The following NEK1 variants were observed in gnomAD, a reference collection of about 807,000 sequenced individuals.
The protein encoded by NEK1 is serine/threonine-protein kinase Nek1.
A neutral mutation model predicts 182.1 loss-of-function variants in NEK1; 137 were observed. That is an observed-to-expected ratio of 0.75 (90% CI 0.65 to 0.87). The LOEUF (loss-of-function observed/expected upper bound fraction) is 0.87, where lower values mean the gene tolerates loss of function less well. Ranked by LOEUF, NEK1 falls within the 40% of genes least tolerant of loss-of-function variation. NEK1 has a pLI of 0.00. For missense variants in NEK1, 1,391 were observed against 1,494.4 expected (o/e 0.93, Z 1.14); for synonymous variants, 513 against 492.2 (o/e 1.04, Z -0.56).
chr4:169,507,635 T>A (rs932114979), intron 22 of NEK1, 80 bp downstream of exon 22: 2 of 964,588 alleles, frequency 2.1e-6, no homozygotes, highest in African/African-American at 3.2e-5. Context: ...GTGATATAAC[T>A]ATGCAAAACT....
chr4:169,524,228 G>T (rs1756534845), intron 19 of NEK1, among the ~76,000 whole-genome samples: 1 of 152,070 alleles, frequency 6.6e-6, no homozygotes, highest in South Asian at 2.1e-4. Context: ...TGTTGAATGG[G>T]CCGGGCACAG....
chr4:169,413,786 G>A (rs1425815610), intron 31 of NEK1, among the ~76,000 whole-genome samples: 2 of 152,246 alleles, frequency 1.3e-5, no homozygotes, highest in African/African-American at 4.8e-5. Flanking sequence ...GGAAGCCGAG[G>A]TGGGCAGATC....
chr4:169,507,093 G>T lies in NEK1; in HGVS notation c.1951C>A (p.Leu651Ile). Residue 651 changes from leucine (L) to isoleucine (I), a missense_variant, in exon 23 of 36, where the codon CTA becomes ATA. Physicochemically the swap from Leu to Ile is conservative, Grantham distance 5. This residue lies in a region of NEK1 where 1,216 missense variants were observed against 1,277.6 expected (regional missense o/e 0.95). Transcript: ENST00000507142. ...NARAAVLKEQLERKRKEAYER... is the reference protein window; with the variant it reads ...NARAAVLKEQIERKRKEAYER... Reference sequence around the variant, plus strand: ...TAAGCCTCCTTTCTCTTTCGTTCTAGTTGTTCTTTTAGTACAGCAGCACGT... The same window carrying T: ...TAAGCCTCCTTTCTCTTTCGTTCTATTTGTTCTTTTAGTACAGCAGCACGT... 2 of 1,603,166 alleles carry T rather than the reference G, an allele frequency of 1.2e-6. No homozygotes were observed. Among genetic ancestry groups the T allele is most frequent in the Non-Finnish European group, 1.7e-6 (2 of 1,174,852 alleles).
intron 9 of NEK1, among the ~76,000 whole-genome samples, chr4:169,586,473 T>A (rs1375311898): frequency 6.6e-6 from 1 of 151,996 alleles, no homozygotes; most frequent in Non-Finnish European, 1.5e-5. Flanking sequence ...ACGCTCTTCA[T>A]AAAGGGTAAG....
intron 18 of NEK1, 78 bp from the exon 19 acceptor site, chr4:169,537,989 AT>A (rs981667062): frequency 2.3e-4 from 236 of 1,024,160 alleles, no homozygotes; most frequent in South Asian, 3.4e-4. Flanking sequence ...TTTATCCTAA[AT>A]TTTTTTTTCA....
chr4:169,431,029 A>G (rs1290882841), intron 29 of NEK1, among the ~76,000 whole-genome samples: 1 of 152,138 alleles, frequency 6.6e-6, no homozygotes, highest in Non-Finnish European at 1.5e-5. Flanking sequence ...CAACTATTAT[A>G]TCATATCAAA....
At chr4:169,496,798 C>T (rs1313213542) in intron 23 of NEK1, among the ~76,000 whole-genome samples, 3 of 151,904 alleles carry the variant, frequency 2.0e-5, no homozygotes, top group African/African-American at 4.8e-5. Context: ...CTGCTGGATT[C>T]GGTTTGCCAG....
intron 27 of NEK1, among the ~76,000 whole-genome samples, chr4:169,449,619 G>GAATAGC (rs1186347583): frequency 1.3e-5 from 2 of 152,038 alleles, no homozygotes; most frequent in Non-Finnish European, 2.9e-5. Context: ...TAACAGTAAG[G>GAATAGC]AATAGCATCA....
intron 19 of NEK1, among the ~76,000 whole-genome samples, chr4:169,535,264 A>G (rs1043943245): frequency 2.6e-5 from 4 of 152,166 alleles, no homozygotes; most frequent in African/African-American, 4.8e-5. Flanking sequence ...CAGAGGTTGC[A>G]GCAAGCGGAG....
At chr4:169,549,124 CT>C (rs1396074773) in intron 18 of NEK1, among the ~76,000 whole-genome samples, 1 of 152,216 alleles carries the variant, frequency 6.6e-6, no homozygotes. Flanking sequence ...ATCTCCTGGT[CT>C]GTGGGTTGTG....
intron 31 of NEK1, among the ~76,000 whole-genome samples, chr4:169,420,576 C>T (rs773940412): frequency 6.6e-6 from 1 of 152,110 alleles, no homozygotes; most frequent in Non-Finnish European, 1.5e-5. Flanking sequence ...CTATTATAAT[C>T]TTATGGGACC....
At chr4:169,434,202 GTTTTTT>G (rs70964203) in intron 28 of NEK1, among the ~76,000 whole-genome samples, 8 of 81,904 alleles carry the variant, frequency 9.8e-5, no homozygotes, top group Non-Finnish European at 9.8e-5. Flanking sequence ...CACTCAAATA[GTTTTTT>G]TTTTTTTTTT....
At chr4:169,571,151 C>A (rs910962392) in intron 12 of NEK1, among the ~76,000 whole-genome samples, 2 of 148,812 alleles carry the variant, frequency 1.3e-5, no homozygotes, top group South Asian at 2.1e-4. Context: ...TCCCCCTCTG[C>A]GAGAAACACC....
At chr4:169,461,243 A>C (rs1743915296) in intron 27 of NEK1, among the ~76,000 whole-genome samples, 1 of 152,182 alleles carries the variant, frequency 6.6e-6, no homozygotes, top group South Asian at 2.1e-4. Flanking sequence ...ATACTAGAAT[A>C]GCATACTGCC....
chr4:169,494,810 T>C (rs1750846633), intron 23 of NEK1, among the ~76,000 whole-genome samples: 1 of 152,250 alleles, frequency 6.6e-6, no homozygotes, highest in African/African-American at 2.4e-5. Context: ...TGAGATGGTA[T>C]CTCATTGTGG....
chr4:169,564,463 C>T (rs957233381), intron 12 of NEK1, among the ~76,000 whole-genome samples: 6 of 152,046 alleles, frequency 3.9e-5, no homozygotes, highest in Non-Finnish European at 5.9e-5. Context: ...TTATCCTGTG[C>T]TTCAGTTTTC....
intron 26 of NEK1, among the ~76,000 whole-genome samples, chr4:169,475,381 T>A (rs768622143): frequency 6.6e-6 from 1 of 152,174 alleles, no homozygotes; most frequent in South Asian, 2.1e-4. Flanking sequence ...TAAATGGGTA[T>A]AATTAGCATT....
rs565787097 is a variant in NEK1, at chr4:169,569,728, G to A, written c.1020+7200C>T. Among the ~76,000 whole-genome samples the A allele has an allele frequency of 3.1e-3, 478 of 152,184 alleles. 8 individuals are homozygous for A. The highest frequency in any genetic ancestry group is 0.023 in the Admixed American group (347 of 15,298). On this transcript the variant is annotated intron_variant, in intron 12 of 35. Transcript: ENST00000507142. ...GGGCTGGTCTCCAGCTCCTAACTGC[G>A]AGTGATCCGCCAGCCTCGGCCTCCC... is the stretch of plus-strand genomic sequence containing the variant.
intron 29 of NEK1, 35 bp from the exon 30 acceptor site, chr4:169,426,269 A>G: frequency 1.3e-6 from 2 of 1,547,366 alleles, no homozygotes; most frequent in South Asian, 2.3e-5. Flanking sequence ...AAAAACACAC[A>G]CACTTAGTTT....
Sources: gnomAD v4.1 joint callset for allele counts (sites outside exome capture counted in the v4.1 genomes callset) on GRCh38, gnomAD v4.1.1 for gene constraint, gnomAD v4.1.1 regional missense constraint, MANE v1.5 for transcripts, NCBI Gene and HGNC (gene_info 2026-07-23, HGNC 2026-07-21) for gene names.